The following NRXN3 variants were observed in gnomAD, a reference collection of about 807,000 sequenced individuals.
The protein encoded by NRXN3 is neurexin 3.
In NRXN3, 32 loss-of-function variants were observed where a neutral mutation model predicts 137.6. That is an observed-to-expected ratio of 0.23 (90% CI 0.18 to 0.31). The LOEUF (loss-of-function observed/expected upper bound fraction) is 0.31. Ranked by LOEUF, NRXN3 falls within the 10% of genes least tolerant of loss-of-function variation. NRXN3 has a pLI of 1.00. For synonymous variants in NRXN3, 798 were observed against 784.5 expected (o/e 1.02, Z -0.29); for missense variants, 1,574 against 2,062.5 (o/e 0.76, Z 4.59).
At chr14:78,195,680 G>C (rs1404937721) in intron 1 of NRXN3, among the ~76,000 whole-genome samples, 1 of 152,170 alleles carries the variant, frequency 6.6e-6, no homozygotes, top group East Asian at 1.9e-4. Flanking sequence ...CGTGAACTAG[G>C]CTGGAATGAG....
chr14:79,020,276 T>C (rs1209645345), intron 15 of NRXN3, among the ~76,000 whole-genome samples: 1 of 116,664 alleles, frequency 8.6e-6, no homozygotes, highest in African/African-American at 3.5e-5. Context: ...CCCCTTCCCT[T>C]CCCTTCTAGA....
At chr14:78,593,473 C>A (rs1224842585) in intron 4 of NRXN3, among the ~76,000 whole-genome samples, 2 of 152,214 alleles carry the variant, frequency 1.3e-5, no homozygotes, top group Admixed American at 6.5e-5. Flanking sequence ...TCAGCTCTCC[C>A]AAGCACAGGC....
At chr14:79,103,936 C>T (rs2051853425) in intron 15 of NRXN3, among the ~76,000 whole-genome samples, 1 of 152,146 alleles carries the variant, frequency 6.6e-6, no homozygotes, top group Admixed American at 6.6e-5. Flanking sequence ...CACATCTGCA[C>T]AAGCAATAGA....
intron 10 of NRXN3, among the ~76,000 whole-genome samples, chr14:78,851,413 G>A (rs193202950): frequency 6.6e-6 from 1 of 152,310 alleles, no homozygotes; most frequent in Non-Finnish European, 1.5e-5. Context: ...AGCACTGCCT[G>A]AGTGCATCAC....
intron 15 of NRXN3, among the ~76,000 whole-genome samples, chr14:79,402,755 C>CA (rs1375276062): frequency 6.6e-6 from 1 of 152,154 alleles, no homozygotes; most frequent in Non-Finnish European, 1.5e-5. Flanking sequence ...ATTAATTCAT[C>CA]AATTCAACCT....
At chr14:79,374,788 A>T (rs1023059872) in intron 15 of NRXN3, among the ~76,000 whole-genome samples, 3 of 152,052 alleles carry the variant, frequency 2.0e-5, no homozygotes, top group Admixed American at 2.0e-4. Context: ...TTTACCTACA[A>T]TTCCTATCTC....
At chr14:79,163,642 T>C (rs1349137987) in intron 15 of NRXN3, among the ~76,000 whole-genome samples, 6 of 151,940 alleles carry the variant, frequency 3.9e-5, no homozygotes, top group Non-Finnish European at 8.8e-5. Flanking sequence ...CTCCATATTA[T>C]TTAATTTAGT....
intron 8 of NRXN3, chr14:78,753,878 C>T (rs910874579): frequency 2.0e-5 from 3 of 152,130 alleles, no homozygotes; most frequent in Non-Finnish European, 4.4e-5. Flanking sequence ...TCACCTTCTT[C>T]ACTTACCACC....
intron 15 of NRXN3, among the ~76,000 whole-genome samples, chr14:79,102,822 G>C (rs761001539): frequency 1.3e-5 from 2 of 152,100 alleles, no homozygotes; most frequent in African/African-American, 2.4e-5. Context: ...TTGAAAAGAG[G>C]GGTTGGCATG....
intron 15 of NRXN3, among the ~76,000 whole-genome samples, chr14:79,258,925 G>A (rs1173997254): frequency 6.6e-6 from 1 of 152,206 alleles, no homozygotes; most frequent in African/African-American, 2.4e-5. Context: ...GCCCTTTTGA[G>A]TAATAGAACA....
chr14:79,361,032 G>A (rs1374188435), intron 15 of NRXN3, among the ~76,000 whole-genome samples: 1 of 152,198 alleles, frequency 6.6e-6, no homozygotes, highest in Non-Finnish European at 1.5e-5. Context: ...CTGTGTGTAT[G>A]TGATTAAAGC....
At chr14:78,340,790 G>T (rs2153581146) in intron 4 of NRXN3, among the ~76,000 whole-genome samples, 1 of 152,306 alleles carries the variant, frequency 6.6e-6, no homozygotes, top group South Asian at 2.1e-4. Flanking sequence ...TAAAGGCCCA[G>T]CCAGATTCAT....
intron 15 of NRXN3, among the ~76,000 whole-genome samples, chr14:79,175,094 C>A (rs1287857350): frequency 6.6e-6 from 1 of 151,676 alleles, no homozygotes; most frequent in Non-Finnish European, 1.5e-5. Context: ...CATTCTCCTG[C>A]CTCAGCCTCC....
At chr14:79,620,819 C>T (rs1317569295) in intron 16 of NRXN3, among the ~76,000 whole-genome samples, 1 of 151,936 alleles carries the variant, frequency 6.6e-6, no homozygotes, top group Non-Finnish European at 1.5e-5. Context: ...GAGAACTTCT[C>T]ATGGAGGAAA....
chr14:78,751,007 G>A (rs2098638821), intron 8 of NRXN3, among the ~76,000 whole-genome samples: 3 of 152,170 alleles, frequency 2.0e-5, no homozygotes, highest in Admixed American at 1.3e-4. Flanking sequence ...AAAGCGGGGA[G>A]GCCGTTTTGT....
At chr14:78,505,737 T>G (rs2095975365) in intron 4 of NRXN3, among the ~76,000 whole-genome samples, 1 of 152,174 alleles carries the variant, frequency 6.6e-6, no homozygotes. Context: ...AGATTGCCTA[T>G]GGAAAATATG....
intron 15 of NRXN3, among the ~76,000 whole-genome samples, chr14:79,029,762 C>T (rs531229061): frequency 1.5e-5 from 2 of 129,338 alleles, no homozygotes; most frequent in East Asian, 4.6e-4. Context: ...AAAAATGCCC[C>T]TTGGAGAGGG....
At chr14:79,508,390 A>ATTTCTGATTTTTTTT (rs1555494789) in intron 16 of NRXN3, among the ~76,000 whole-genome samples, 2 of 48,228 alleles carry the variant, frequency 4.1e-5, no homozygotes, top group African/African-American at 1.5e-4. Context: ...ACAATAACTG[A>ATTTCTGATTTTTTTT]TTTTTTTTTT....
intron 4 of NRXN3, among the ~76,000 whole-genome samples, chr14:78,501,935 A>G (rs2095884598): frequency 6.6e-6 from 1 of 152,096 alleles, no homozygotes; most frequent in African/African-American, 2.4e-5. Context: ...GAGATCTTCT[A>G]TGCAGCCCCC....
Sources: gnomAD v4.1 joint callset for allele counts (sites outside exome capture counted in the v4.1 genomes callset) on GRCh38, gnomAD v4.1.1 for gene constraint, MANE v1.5 for transcripts, NCBI Gene and HGNC (gene_info 2026-07-23, HGNC 2026-07-21) for gene names.